OR10Z1: variants seen among roughly 807,000 people sequenced by gnomAD.
The protein encoded by OR10Z1 is olfactory receptor 10Z1.
For synonymous variants in OR10Z1, 187 were observed against 151.2 expected, an observed-to-expected ratio of 1.24 and a Z score of -1.74; for missense variants, 468 against 371.0, an observed-to-expected ratio of 1.26 and a Z score of -2.15.
chr1:158,609,059 G>C lies in OR10Z1; in HGVS notation c.*1679G>C, dbSNP rs1649135711. On this transcript the variant is annotated 3_prime_UTR_variant, in exon 2 of 2. Coordinates refer to ENST00000641002, the MANE Select transcript of OR10Z1 (RefSeq NM_001004478.2). ...AGCTTAAAAAAAGGCAAAGAGGCTT[G>C]AATATGGATAGTGACATTCAGAGAC... 1 of 152,126 alleles carries C rather than the reference G, an allele frequency of 6.6e-6. No individual in the cohort carries two copies. Among genetic ancestry groups the C allele is most frequent in the African/African-American group, 2.4e-5 (1 of 41,428 alleles). The allele number at this position is 152,126 out of a possible 1,614,324, so 9.4% of individuals were successfully genotyped here.
chr1:158,606,366 C>A lies in OR10Z1; in HGVS notation c.-73C>A. ...GAGAAAAAGAATCCATATCATCCACCTTTTAAAGAAGTTAGGCATCTACTG... is the reference window on the plus strand; with the variant it reads ...GAGAAAAAGAATCCATATCATCCACATTTTAAAGAAGTTAGGCATCTACTG... On this transcript the variant is annotated 5_prime_UTR_variant, in exon 2 of 2. Coordinates refer to ENST00000641002, the MANE Select transcript of OR10Z1 (RefSeq NM_001004478.2). The A allele has an allele frequency of 2.2e-6, 2 of 914,060 alleles. No homozygotes were observed. Among genetic ancestry groups the A allele is most frequent in the Non-Finnish European group, 3.4e-6 (2 of 584,498 alleles). The allele number at this position is 914,060 out of a possible 1,614,324, so 56.6% of individuals were successfully genotyped here.
chr1:158,611,086 AT>A lies in OR10Z1; in HGVS notation c.*3712del, dbSNP rs1056717743. 26 of 865,964 alleles carry A rather than the reference AT, an allele frequency of 3.0e-5. 1 individual carries two copies. Among genetic ancestry groups the A allele is most frequent in the African/African-American group, 2.7e-4 (16 of 59,126 alleles). The allele number at this position is 865,964 out of a possible 1,614,324, so 53.6% of individuals were successfully genotyped here. A position where few individuals can be genotyped will look rare whatever the true frequency, so the allele number is the denominator to read the frequency against. The stretch of plus-strand genomic sequence containing the variant: ...AACCTTTCTATCTCCCACCCTTGAG[AT>A]TTTTTAAGATCCTACAATAAATGTA... On this transcript the variant is annotated 3_prime_UTR_variant, in exon 2 of 2. Transcript: ENST00000641002.
In OR10Z1 at chr1:158,612,288, T is replaced by C. The variant is rs532330105; in HGVS notation, c.*4908T>C. On this transcript the variant is annotated 3_prime_UTR_variant, in exon 2 of 2. Transcript: ENST00000641002. ...ACACTCACCCTGTGTTAATCATAGA[T>C]GATACTTTCCCTGATGCAAGTATTT... 5.4e-6 allele frequency: 1 copy of C among 183,546 alleles called. No homozygotes were observed. The highest frequency in any genetic ancestry group is 1.5e-4 in the East Asian group (1 of 6,830). 11.4% of individuals were successfully genotyped at this position (183,546 alleles called of 1,614,324 possible).
chr1:158,607,462 C>T lies in OR10Z1; in HGVS notation c.*82C>T. The T allele has an allele frequency of 1.8e-6, 2 of 1,081,318 alleles. No individual in the cohort carries two copies. The highest frequency in any genetic ancestry group is 2.7e-6 in the Non-Finnish European group (2 of 738,642). The allele number at this position is 1,081,318 out of a possible 1,614,324, so 67.0% of individuals were successfully genotyped here. A position where few individuals can be genotyped will look rare whatever the true frequency, so the allele number is the denominator to read the frequency against. ...AAGCCAAAGGGCCAGGTATTCAAGG[C>T]CTCAGGCCAAAGCTGTCCTACCCCC... On this transcript the variant is annotated 3_prime_UTR_variant, in exon 2 of 2. Coordinates refer to ENST00000641002, the MANE Select transcript of OR10Z1 (RefSeq NM_001004478.2).
In OR10Z1 at chr1:158,607,968, T is replaced by G. The variant is rs1464650369; in HGVS notation, c.*588T>G. 1 of 152,290 alleles carries G rather than the reference T, an allele frequency of 6.6e-6. No homozygotes were observed. The highest frequency in any genetic ancestry group is 2.4e-5 in the African/African-American group (1 of 41,428). The allele number at this position is 152,290 out of a possible 1,614,324, so 9.4% of individuals were successfully genotyped here. A position where few individuals can be genotyped will look rare whatever the true frequency, so the allele number is the denominator to read the frequency against. ...TTTTTTAATTTCAACTATTATTTCA[T>G]ATACAGTGGGGCACATGTGCTTATA... On this transcript the variant is annotated 3_prime_UTR_variant, in exon 2 of 2. Coordinates refer to ENST00000641002, the MANE Select transcript of OR10Z1 (RefSeq NM_001004478.2).
rs984024702 is a variant in OR10Z1 at position 158,610,543 on chromosome 1, G to A, written c.*3163G>A. 3.3e-5 allele frequency: 5 copies of A among 151,664 alleles called. No individual in the cohort carries two copies. Among genetic ancestry groups the A allele is most frequent in the South Asian group, 2.1e-4 (1 of 4,802 alleles). The allele number at this position is 151,664 out of a possible 1,614,324, so 9.4% of individuals were successfully genotyped here. ...TACATTAAAACTTAAGAGAAAATAC[G>A]GGAGCTTGGAGGACAAGAGAAAGCC... On this transcript the variant is annotated 3_prime_UTR_variant, in exon 2 of 2. Coordinates refer to ENST00000641002, the MANE Select transcript of OR10Z1 (RefSeq NM_001004478.2).
Position 158,611,358 on chromosome 1 carries a change from G to T in OR10Z1, c.*3978G>T, listed in dbSNP as rs1472739405. 3 of 1,613,548 alleles carry T rather than the reference G, an allele frequency of 1.9e-6. No individual in the cohort carries two copies. Among genetic ancestry groups the T allele is most frequent in the Non-Finnish European group, 2.5e-6 (3 of 1,179,716 alleles). ...GTCCATATATTGCTGCATATGTGTG[G>T]CACAGAATGACACTTGCTCTGGGGT... On this transcript the variant is annotated 3_prime_UTR_variant, in exon 2 of 2. Transcript: ENST00000641002.
rs1367903279 is a variant in OR10Z1 at position 158,606,881 on chromosome 1, C to T, written c.443C>T (p.Ser148Phe). Residue 148 changes from serine to phenylalanine, a missense_variant, in exon 2 of 2, where the codon TCC (serine) becomes TTC (phenylalanine). Ser to Phe is a radical substitution (Grantham distance 155). Transcript: ENST00000641002. Reference protein sequence around the residue: ...PTLCAQLVITSFLTGYLFGLG... With the variant: ...PTLCAQLVITFFLTGYLFGLG... ...CTCTGTGCCCAGCTGGTCATTACTT[C>T]CTTCCTGACTGGATACCTCTTTGGA... 6.2e-7 allele frequency: 1 copy of T among 1,614,006 alleles called. No individual in the cohort carries two copies. The highest frequency in any genetic ancestry group is 1.7e-5 in the Admixed American group (1 of 59,962).
At chr1:158,605,886 T>A (rs558794827) in intron 1 of OR10Z1, among the ~76,000 whole-genome samples, 1 of 152,278 alleles carries the variant, frequency 6.6e-6, no homozygotes, top group South Asian at 2.1e-4. Context: ...GCAATATGGG[T>A]GTGTCCATAT....
Position 158,612,104 on chromosome 1 carries a change from T to G in OR10Z1, c.*4724T>G, listed in dbSNP as rs751378497. On this transcript the variant is annotated 3_prime_UTR_variant, in exon 2 of 2. Coordinates refer to ENST00000641002, the MANE Select transcript of OR10Z1 (RefSeq NM_001004478.2). ...GACCCTTTGTAATCTGGTTTCTGCT[T>G]AATTGTTTTCCCTTTCACTTTCTGT... 3.2e-5 allele frequency: 5 copies of G among 154,552 alleles called. No individual in the cohort carries two copies. The highest frequency in any genetic ancestry group is 9.6e-5 in the African/African-American group (4 of 41,476). The allele number at this position is 154,552 out of a possible 1,614,324, so 9.6% of individuals were successfully genotyped here. A position where few individuals can be genotyped will look rare whatever the true frequency, so the allele number is the denominator to read the frequency against.
At position 158,606,770 on chromosome 1, in the gene OR10Z1, A is replaced by T; in HGVS notation, c.332A>T (p.Asn111Ile). The T allele has an allele frequency of 6.2e-7, 1 of 1,613,818 alleles. No individual in the cohort carries two copies. The highest frequency in any genetic ancestry group is 1.1e-5 in the South Asian group (1 of 91,060). Residue 111 changes from asparagine (N) to isoleucine (I), a missense_variant, in exon 2 of 2, where the codon AAC becomes ATC. Physicochemically the swap from Asn to Ile is moderately radical, Grantham distance 149. Transcript: ENST00000641002. ...TTTTCTGCCTCATGGGCCTGTACTAACTGCTTCCTTCTGGCTGCCATGGGC... is the reference window on the plus strand; with the variant it reads ...TTTTCTGCCTCATGGGCCTGTACTATCTGCTTCCTTCTGGCTGCCATGGGC... Reference protein sequence around the residue: ...MFFSASWACTNCFLLAAMGFD... With the variant: ...MFFSASWACTICFLLAAMGFD...
At chr1:158,605,771 T>C (rs1414218263) in intron 1 of OR10Z1, among the ~76,000 whole-genome samples, 3 of 152,210 alleles carry the variant, frequency 2.0e-5, no homozygotes, top group African/African-American at 7.2e-5. Context: ...TGGTTCTGTG[T>C]GACTTCAAGA....
chr1:158,606,698 G>T lies in OR10Z1; in HGVS notation c.260G>T (p.Gly87Val), dbSNP rs145085081. ...CCTAGAATGCTCTCTGGCCTGGCTG[G>T]GGGGGACCAGGCTATCTCCTATGTG... ...IIPRMLSGLAGGDQAISYVGC... is the reference protein window; with the variant it reads ...IIPRMLSGLAVGDQAISYVGC... Residue 87 changes from glycine to valine, a missense_variant, in exon 2 of 2, where the codon GGG becomes GTG. Physicochemically the swap from Gly to Val is moderately radical, Grantham distance 109. Coordinates refer to ENST00000641002, the MANE Select transcript of OR10Z1 (RefSeq NM_001004478.2). 31 of 1,613,910 alleles carry T rather than the reference G, an allele frequency of 1.9e-5. No homozygotes were observed. Among genetic ancestry groups the T allele is most frequent in the East Asian group, 4.5e-5 (2 of 44,878 alleles).
In OR10Z1 at chr1:158,612,366, C is replaced by T. The variant is rs1166109979; in HGVS notation, c.*4986C>T. The stretch of plus-strand genomic sequence containing the variant: ...GAATCAGAGAGAAGAGAGATTACTT[C>T]TGGTTGTAATAAAATTCCCCACATC... On this transcript the variant is annotated 3_prime_UTR_variant, in exon 2 of 2. Coordinates refer to ENST00000641002, the MANE Select transcript of OR10Z1 (RefSeq NM_001004478.2). 4.6e-6 allele frequency: 1 copy of T among 219,194 alleles called. No homozygotes were observed. The highest frequency in any genetic ancestry group is 1.2e-4 in the East Asian group (1 of 8,172). The allele number at this position is 219,194 out of a possible 1,614,324, so 13.6% of individuals were successfully genotyped here.
In OR10Z1 at chr1:158,609,189, C is replaced by G. The variant is rs17685759; in HGVS notation, c.*1809C>G. 1 of 151,948 alleles carries G rather than the reference C, an allele frequency of 6.6e-6. No homozygotes were observed. The highest frequency in any genetic ancestry group is 2.1e-4 in the South Asian group (1 of 4,818). The allele number at this position is 151,948 out of a possible 1,614,324, so 9.4% of individuals were successfully genotyped here. On this transcript the variant is annotated 3_prime_UTR_variant, in exon 2 of 2. Transcript: ENST00000641002. ...TGAGAGACAAGGAAAGACCTTAGGC[C>G]GAGAAGATATTTTTCAGACAGAAAT...
rs1030965628 is a variant in OR10Z1 at position 158,609,561 on chromosome 1, C to T, written c.*2181C>T. 1 of 152,124 alleles carries T rather than the reference C, an allele frequency of 6.6e-6. No homozygotes were observed. The highest frequency in any genetic ancestry group is 2.4e-5 in the African/African-American group (1 of 41,416). 9.4% of individuals were successfully genotyped at this position (152,124 alleles called of 1,614,324 possible). Reference sequence around the variant, plus strand: ...GTAATACTTAGAGGTCTAACTTCCACATGTAGTAGTCTTAAGTATGGAAGG... The same window carrying T: ...GTAATACTTAGAGGTCTAACTTCCATATGTAGTAGTCTTAAGTATGGAAGG... On this transcript the variant is annotated 3_prime_UTR_variant, in exon 2 of 2. Coordinates refer to ENST00000641002, the MANE Select transcript of OR10Z1 (RefSeq NM_001004478.2).
rs534141025 is a variant in OR10Z1, at chr1:158,611,244, G to A, written c.*3864G>A. The A allele has an allele frequency of 3.1e-6, 5 of 1,611,282 alleles. No homozygotes were observed. The highest frequency in any genetic ancestry group is 4.5e-5 in the East Asian group (2 of 44,734). The stretch of plus-strand genomic sequence containing the variant: ...TTCCCACGACACTAAGATTTTCTAC[G>A]ATCCACGAGGAGCTGCTTATTAGTT... On this transcript the variant is annotated 3_prime_UTR_variant, in exon 2 of 2. Transcript: ENST00000641002.
At position 158,611,309 on chromosome 1, in the gene OR10Z1, A is replaced by G. The variant is rs1022339517; in HGVS notation, c.*3929A>G. The G allele has an allele frequency of 5.0e-5, 81 of 1,613,782 alleles. No homozygotes were observed. The highest frequency in any genetic ancestry group is 6.4e-5 in the Non-Finnish European group (76 of 1,179,846). The stretch of plus-strand genomic sequence containing the variant: ...TGGTGAAGCCAACGTAGTCATAGCC[A>G]GAGAGATGGCTTCGACCCCGTGGGT... On this transcript the variant is annotated 3_prime_UTR_variant, in exon 2 of 2. Transcript: ENST00000641002.
Position 158,606,631 on chromosome 1 carries a change from T to C in OR10Z1, c.193T>C (p.Phe65Leu). ...LHTPMYLFLS[F>L]LSFSETCYTL... The stretch of plus-strand genomic sequence containing the variant: ...CACCCCCATGTACCTCTTCCTTTCC[T>C]TCCTATCCTTCTCTGAGACCTGCTA... The change falls in exon 2 of 2, where the codon TTC (phenylalanine) becomes CTC (leucine). Residue 65 changes from phenylalanine to leucine, a missense_variant. Coordinates refer to ENST00000641002, the MANE Select transcript of OR10Z1 (RefSeq NM_001004478.2). 1 of 1,614,062 alleles carries C rather than the reference T, an allele frequency of 6.2e-7. No homozygotes were observed. The highest frequency in any genetic ancestry group is 2.2e-5 in the East Asian group (1 of 44,876).
Sources: allele counts gnomAD v4.1 joint callset (sites outside exome capture counted in the v4.1 genomes callset), GRCh38; gene constraint gnomAD v4.1.1; transcripts MANE v1.5; gene names NCBI Gene and HGNC (gene_info 2026-07-23, HGNC 2026-07-21).